Variants in LYST observed in about 807,000 individuals in gnomAD.
LYST encodes the protein lysosomal trafficking regulator.
LYST carries 192 observed loss-of-function variants against 413.6 expected under a neutral mutation model. The observed-to-expected ratio is 0.46, with a 90% CI of 0.41 to 0.52. The LOEUF (loss-of-function observed/expected upper bound fraction) is 0.52. Among genes scored for constraint, LYST ranks in the 20% least tolerant of loss-of-function variants. The probability of loss-of-function intolerance (pLI) is 0.00; values close to 1 mark genes in which losing one functional copy is unlikely to be tolerated. For synonymous variants in LYST, 1,525 were observed against 1,567.3 expected, an observed-to-expected ratio of 0.97 and a Z score of 0.64; for missense variants, 3,815 against 4,499.9, an observed-to-expected ratio of 0.85 and a Z score of 4.35.
chr1:235,740,572 C>T lies in LYST; in HGVS notation c.8358+850G>A, dbSNP rs116120617. ...CCACTCAATGTTTCTGAGATTCATC[C>T]ATAATGGTAGATGTACCAGTAGTCT... is the stretch of plus-strand genomic sequence containing the variant. On this transcript the variant is annotated intron_variant, in intron 31 of 52. Coordinates refer to ENST00000389793, the MANE Select transcript of LYST (RefSeq NM_000081.4). 9.2e-3 allele frequency among the ~76,000 whole-genome samples: 1,405 copies of T among 152,192 alleles called. 24 individuals carry two copies. The highest frequency in any genetic ancestry group is 0.032 in the African/African-American group (1,318 of 41,518).
At chr1:235,810,696 T>C (rs1472581853) in intron 4 of LYST, among the ~76,000 whole-genome samples, 162 bp from the exon 5 acceptor site, 1 of 152,198 alleles carries the variant, frequency 6.6e-6, no homozygotes, top group African/African-American at 2.4e-5. Context: ...ATCTCTGGGT[T>C]ACCTCCTCTC....
At chr1:235,710,076 A>G (rs1170094581) in intron 43 of LYST, among the ~76,000 whole-genome samples, 2 of 152,236 alleles carry the variant, frequency 1.3e-5, no homozygotes, top group African/African-American at 2.4e-5. Context: ...GCTGAACACC[A>G]TAACAAAAAT....
chr1:235,792,226 C>T, intron 11 of LYST, 101 bp from the exon 12 acceptor site: 1 of 732,000 alleles, frequency 1.4e-6, no homozygotes, highest in Non-Finnish European at 2.3e-6. Context: ...CATACCCACA[C>T]ATATCAGCAT....
intron 14 of LYST, 44 bp downstream of exon 14, chr1:235,787,156 A>G: frequency 6.9e-7 from 1 of 1,457,812 alleles, no homozygotes; most frequent in Non-Finnish European, 9.6e-7. Context: ...GAAACATAAC[A>G]TTGTAACTGA....
chr1:235,710,101 TA>T (rs1177039494), intron 43 of LYST, among the ~76,000 whole-genome samples: 2 of 152,220 alleles, frequency 1.3e-5, no homozygotes, highest in African/African-American at 4.8e-5. Flanking sequence ...AATGACCTTT[TA>T]AAAGCTGATT....
intron 25 of LYST, among the ~76,000 whole-genome samples, chr1:235,753,596 C>T (rs2103317418): frequency 6.6e-6 from 1 of 152,164 alleles, no homozygotes; most frequent in East Asian, 1.9e-4. Flanking sequence ...TTCAAGTGCA[C>T]AGGAAAATTA....
chr1:235,761,764 T>TAA (rs113640913), intron 22 of LYST, among the ~76,000 whole-genome samples: 19 of 141,868 alleles, frequency 1.3e-4, no homozygotes, highest in Admixed American at 3.5e-4. Context: ...GGAGTGTGAT[T>TAA]AAAAAAAAAA....
intron 10 of LYST, among the ~76,000 whole-genome samples, chr1:235,799,709 C>T (rs1379176535): frequency 2.6e-5 from 4 of 151,938 alleles, no homozygotes; most frequent in South Asian, 2.1e-4. Flanking sequence ...TAATCAATAC[C>T]AGATATGGCA....
intron 1 of LYST, among the ~76,000 whole-genome samples, chr1:235,857,627 G>A (rs1174486040): frequency 6.6e-6 from 1 of 151,832 alleles, no homozygotes; most frequent in Non-Finnish European, 1.5e-5. Flanking sequence ...AGTGGTTAGA[G>A]GGGTACGAGG....
At position 235,774,096 on chromosome 1, in the gene LYST, A is replaced by G. The variant is rs1302881158; in HGVS notation, c.5635-105T>C. 6.4e-6 allele frequency: 5 copies of G among 783,170 alleles called. No individual in the cohort carries two copies. In the East Asian group the frequency reaches 1.2e-4, roughly 19 times the overall value. 48.5% of individuals were successfully genotyped at this position (783,170 alleles called of 1,614,324 possible). ...TTTTAGCAATCATTAAATTCAAAGGAAAGCTAGTAAATAATTTAACACTTC... is the reference window on the plus strand; with the variant it reads ...TTTTAGCAATCATTAAATTCAAAGGGAAGCTAGTAAATAATTTAACACTTC... On this transcript the variant is annotated intron_variant, in intron 18 of 52. Transcript: ENST00000389793.
Position 235,693,463 on chromosome 1 carries a change from C to T in LYST, c.10588G>A (p.Asp3530Asn), listed in dbSNP as rs1489768077. 1 of 1,613,890 alleles carries T rather than the reference C, an allele frequency of 6.2e-7. No individual in the cohort carries two copies. The highest frequency in any genetic ancestry group is 1.7e-5 in the Admixed American group (1 of 60,012). Residue 3530 changes from aspartate to asparagine, a missense_variant, in exon 47 of 53, where the codon GAC (aspartate) becomes AAC (asparagine). Around this residue, in one of 4 missense-constraint regions of LYST, gnomAD observed 866 missense variants for 1,156.0 expected, o/e 0.75. Transcript: ENST00000389793. Reference protein sequence around the residue: ...EQGVRSMNSTDIQWSAILSWG... With the variant: ...EQGVRSMNSTNIQWSAILSWG... ...CTCAGGATGGCTGACCACTGAATGT[C>T]CGTACTGTTCATGCTTCTCACACCT...
At chr1:235,817,080 C>G (rs1386438487) in intron 3 of LYST, among the ~76,000 whole-genome samples, 2 of 151,968 alleles carry the variant, frequency 1.3e-5, no homozygotes, top group Middle Eastern at 3.4e-3. Context: ...AGACACTTTT[C>G]AAAAGAAGAC....
chr1:235,682,512 G>A (rs1269698228), intron 48 of LYST, among the ~76,000 whole-genome samples: 1 of 152,206 alleles, frequency 6.6e-6, no homozygotes, highest in Non-Finnish European at 1.5e-5. Flanking sequence ...CCATGAGCCA[G>A]GTGGGAGATA....
At chr1:235,859,682 A>C (rs1679640740) in intron 1 of LYST, among the ~76,000 whole-genome samples, 1 of 152,116 alleles carries the variant, frequency 6.6e-6, no homozygotes, top group Non-Finnish European at 1.5e-5. Flanking sequence ...ACAATCTAGA[A>C]TCCTTAAAGC....
chr1:235,858,340 T>C (rs1371860288), intron 1 of LYST, among the ~76,000 whole-genome samples: 2 of 152,160 alleles, frequency 1.3e-5, no homozygotes, highest in Non-Finnish European at 2.9e-5. Flanking sequence ...CTATGGAAAA[T>C]ATTTACTATA....
intron 1 of LYST, among the ~76,000 whole-genome samples, chr1:235,864,103 A>G (rs964793890): frequency 6.6e-6 from 1 of 151,638 alleles, no homozygotes; most frequent in East Asian, 1.9e-4. Flanking sequence ...CCTTTTAGCA[A>G]TTTTCCATCC....
chr1:235,791,547 T>C, intron 12 of LYST, 152 bp downstream of exon 12: 2 of 705,828 alleles, frequency 2.8e-6, no homozygotes, highest in Non-Finnish European at 2.5e-6. Flanking sequence ...ACTCATGCTT[T>C]GATAAGTCAG....
chr1:235,766,082 T>C lies in LYST; in HGVS notation c.6118A>G (p.Ile2040Val). The change falls in exon 21 of 53, where the codon ATA becomes GTA. Residue 2040 changes from isoleucine (I) to valine (V), a missense_variant. By Grantham distance (29) the Ile-to-Val change is conservative. This residue lies in a region of LYST where 530 missense variants were observed against 696.5 expected (regional missense o/e 0.76). Transcript: ENST00000389793. ...TAACAAAAATGATTATACCTACCTATGTGCAAAGAAAAGTAGAAGTTCGTG... is the reference window on the plus strand; with the variant it reads ...TAACAAAAATGATTATACCTACCTACGTGCAAAGAAAAGTAGAAGTTCGTG... Reference protein sequence around the residue: ...NPTNFYFSLHIDGKIFQEKVR... With the variant: ...NPTNFYFSLHVDGKIFQEKVR... 1.2e-6 allele frequency: 2 copies of C among 1,609,092 alleles called. No individual in the cohort carries two copies. Among genetic ancestry groups the C allele is most frequent in the Non-Finnish European group, 1.7e-6 (2 of 1,175,574 alleles).
intron 30 of LYST, among the ~76,000 whole-genome samples, chr1:235,743,741 G>C (rs1665644738): frequency 6.6e-6 from 1 of 152,084 alleles, no homozygotes; most frequent in South Asian, 2.1e-4. Context: ...AACAACACTA[G>C]AAAATGTCTT....
Sources: allele counts gnomAD v4.1 joint callset (sites outside exome capture counted in the v4.1 genomes callset), GRCh38; gene constraint gnomAD v4.1.1; regional missense constraint gnomAD v4.1.1; transcripts MANE v1.5; gene names NCBI Gene and HGNC (gene_info 2026-07-23, HGNC 2026-07-21).